The following ANKRD36 variants were observed in gnomAD, a reference collection of about 807,000 sequenced individuals.
ANKRD36 encodes ankyrin repeat domain-containing protein 36A.
ANKRD36 carries 179 observed loss-of-function variants against 278.1 expected under a neutral mutation model. The observed-to-expected ratio is 0.64, with a 90% CI of 0.57 to 0.73. ANKRD36 has a LOEUF of 0.73. Among genes scored for constraint, ANKRD36 ranks in the 30% least tolerant of loss-of-function variants. The pLI is 0.00. For synonymous variants in ANKRD36, 320 were observed against 641.1 expected (o/e 0.50, Z 7.57); for missense variants, 1,159 against 1,956.7 (o/e 0.59, Z 7.69).
rs186071463 is a variant in ANKRD36, at chr2:97,144,784, C to T, written c.1003+72C>T. The T allele has an allele frequency of 1.4e-4, 216 of 1,502,208 alleles. 1 individual carries two copies. The highest frequency in any genetic ancestry group is 8.9e-7 in the Non-Finnish European group (1 of 1,118,418). 93.1% of individuals were successfully genotyped at this position (1,502,208 alleles called of 1,614,324 possible). On this transcript the variant is annotated intron_variant, in intron 10 of 75. Coordinates refer to ENST00000420699, the MANE Select transcript of ANKRD36 (RefSeq NM_001354587.1). ...AACTTCCCTTCCCCAAATAAATCAGCAGGGGGCTCATTGAAGCTGCGCATT... is the reference window on the plus strand; with the variant it reads ...AACTTCCCTTCCCCAAATAAATCAGTAGGGGGCTCATTGAAGCTGCGCATT...
rs1310317248 is a variant in ANKRD36 at position 97,215,653 on chromosome 2, G to C, written c.3673+156G>C. On this transcript the variant is annotated intron_variant, in intron 62 of 75. Transcript: ENST00000420699. ...AATAAGTCCTCAGGTGACCCTGATG[G>C]TGCTGGTCCTTGACCATGATCTGAG... The C allele has an allele frequency of 2.6e-6, 4 of 1,540,818 alleles. No individual in the cohort carries two copies. In the South Asian group the frequency reaches 4.8e-5, roughly 19 times the overall value.
At chr2:97,118,040 T>G (rs766856644) in intron 1 of ANKRD36, 24 bp from the exon 2 acceptor site, 90 of 1,544,090 alleles carry the variant, frequency 5.8e-5, no homozygotes, top group Non-Finnish European at 7.4e-5. Context: ...TTACATGTTT[T>G]AAAAAGTCCT....
rs564270958 is a variant in ANKRD36 at position 97,157,130 on chromosome 2, C to CCT, written c.1261-958_1261-957dup. Among the ~76,000 whole-genome samples, 94 of 67,336 alleles carry CCT rather than the reference C, an allele frequency of 1.4e-3. No individual in the cohort carries two copies. In the South Asian group the frequency reaches 0.017, roughly 12 times the overall value. 44.2% of individuals were successfully genotyped at this position (67,336 alleles called of 152,430 possible). A position where few individuals can be genotyped will look rare whatever the true frequency, so the allele number is the denominator to read the frequency against. ...ATTTTATTGGTTTTTGTTTTTTTTT[C>CCT]CTCTCTCTCTCTCTCTCTCTGTTTG... On this transcript the variant is annotated intron_variant, in intron 15 of 75. Coordinates refer to ENST00000420699, the MANE Select transcript of ANKRD36 (RefSeq NM_001354587.1).
In ANKRD36 at chr2:97,211,686, A is replaced by G; in HGVS notation, c.3414A>G (p.Glu1138=). The G allele has an allele frequency of 6.3e-7, 1 of 1,595,142 alleles. No individual in the cohort carries two copies. The highest frequency in any genetic ancestry group is 8.5e-7 in the Non-Finnish European group (1 of 1,172,032). ...CTATTCAGGCTATCTGTGACAAGGA[A>G]GATTCTGTTCCGAATATGGCCACGG... ...QPALKAICDK[E]DSVPNMATEK... Residue 1138 remains glutamate, a synonymous_variant, in exon 58 of 76, where the codon GAA becomes GAG. Transcript: ENST00000420699.
intron 56 of ANKRD36, among the ~76,000 whole-genome samples, chr2:97,210,163 G>A (rs1411415047): frequency 6.6e-6 from 1 of 151,812 alleles, no homozygotes; most frequent in Non-Finnish European, 1.5e-5. Context: ...TAATTCTACA[G>A]CTTGTTTTCA....
intron 44 of ANKRD36, among the ~76,000 whole-genome samples, chr2:97,199,624 G>A (rs1200179872): frequency 6.6e-6 from 1 of 151,906 alleles, no homozygotes; most frequent in Admixed American, 6.6e-5. Flanking sequence ...GTATGTCAAA[G>A]TTGATAATTG....
At chr2:97,203,307 A>C (rs1242036080) in intron 48 of ANKRD36, among the ~76,000 whole-genome samples, 1 of 151,812 alleles carries the variant, frequency 6.6e-6, no homozygotes, top group Non-Finnish European at 1.5e-5. Context: ...TGAATGAAAA[A>C]CTGATCAATA....
intron 22 of ANKRD36, among the ~76,000 whole-genome samples, chr2:97,170,832 A>G (rs2052246621): frequency 6.6e-6 from 1 of 151,346 alleles, no homozygotes; most frequent in Non-Finnish European, 1.5e-5. Context: ...AGAATCTACA[A>G]TGAACTCAAA....
At chr2:97,151,083 C>G (rs377040718) in intron 12 of ANKRD36, among the ~76,000 whole-genome samples, 3,154 of 152,026 alleles carry the variant, frequency 0.021, 10 homozygotes, top group African/African-American at 0.065. Flanking sequence ...TTCTTTTAAG[C>G]GCATATTTGA....
At chr2:97,148,169 T>C (rs1245605496) in intron 11 of ANKRD36, among the ~76,000 whole-genome samples, 1 of 152,208 alleles carries the variant, frequency 6.6e-6, no homozygotes, top group African/African-American at 2.4e-5. Context: ...TCTGACTCTT[T>C]TCTCAATTCT....
At chr2:97,181,557 T>A in intron 24 of ANKRD36, 41 bp from the exon 25 acceptor site, 1 of 1,601,894 alleles carries the variant, frequency 6.2e-7, no homozygotes, top group Non-Finnish European at 8.5e-7. Context: ...AAATTTATCA[T>A]ATGTACATGT....
chr2:97,211,752 A>C lies in ANKRD36; in HGVS notation c.3469+11A>C. The C allele has an allele frequency of 6.4e-7, 1 of 1,568,244 alleles. No homozygotes were observed. Among genetic ancestry groups the C allele is most frequent in the Non-Finnish European group, 8.6e-7 (1 of 1,156,742 alleles). ...AAATATCTGGGACAGGTAATTTTGC[A>C]AACACATTTAATATGATGTTCGGTC... On this transcript the variant is annotated intron_variant, in intron 58 of 75. Coordinates refer to ENST00000420699, the MANE Select transcript of ANKRD36 (RefSeq NM_001354587.1).
chr2:97,170,797 C>G (rs373272575), intron 22 of ANKRD36, among the ~76,000 whole-genome samples: 4 of 151,742 alleles, frequency 2.6e-5, no homozygotes, highest in Admixed American at 1.3e-4. Context: ...TTGCAACCTA[C>G]TCATCTGACA....
In ANKRD36 at chr2:97,203,742, C is replaced by T. The variant is rs866445918; in HGVS notation, c.2960-326C>T. On this transcript the variant is annotated intron_variant, in intron 48 of 75. Transcript: ENST00000420699. ...GCACCTGCTTTGACATTGATTCTGA[C>T]GTGTATGAGTTGCTCCTCTGATTTT... is the stretch of plus-strand genomic sequence containing the variant. 2.1e-4 allele frequency among the ~76,000 whole-genome samples: 32 copies of T among 151,308 alleles called. 1 individual carries two copies. Among genetic ancestry groups the T allele is most frequent in the African/African-American group, 6.6e-4 (27 of 40,866 alleles).
chr2:97,206,444 TG>T (rs1012327464), intron 52 of ANKRD36, among the ~76,000 whole-genome samples: 1 of 151,236 alleles, frequency 6.6e-6, no homozygotes, highest in Non-Finnish European at 1.5e-5. Flanking sequence ...TCACTAAGGG[TG>T]GAAGGAGAAA....
chr2:97,226,056 T>A (rs1257243921), intron 67 of ANKRD36, among the ~76,000 whole-genome samples: 2 of 151,854 alleles, frequency 1.3e-5, no homozygotes, highest in Admixed American at 6.6e-5. Context: ...TCCAAGTCTT[T>A]GCTATTGTGA....
intron 67 of ANKRD36, among the ~76,000 whole-genome samples, chr2:97,228,104 G>T (rs1472222199): frequency 2.6e-5 from 4 of 152,100 alleles, no homozygotes; most frequent in South Asian, 4.2e-4. Flanking sequence ...TCTCTTTTTT[G>T]GTTGTGTCTC....
At chr2:97,176,453 C>T (rs2054280275) in intron 22 of ANKRD36, among the ~76,000 whole-genome samples, 9 of 131,972 alleles carry the variant, frequency 6.8e-5, no homozygotes, top group Admixed American at 2.3e-4. Context: ...CAACCCCTGC[C>T]TTTTTTTTGT....
Position 97,206,072 on chromosome 2 carries a change from G to A in ANKRD36, c.3100G>A (p.Asp1034Asn), listed in dbSNP as rs1351480006. The A allele has an allele frequency of 5.8e-6, 9 of 1,550,974 alleles. No homozygotes were observed. The highest frequency in any genetic ancestry group is 1.4e-5 in the African/African-American group (1 of 73,140). The change falls in exon 52 of 76, where the codon GAT becomes AAT. Residue 1034 changes from aspartate (D) to asparagine (N), a missense_variant. Transcript: ENST00000420699. ...TTCAAATTCCATTCAGGCTACAAGT[G>A]ATGAGGAAGATTCTGTTTTGAGTAT... is the stretch of plus-strand genomic sequence containing the variant. ...QKPPTLKATS[D>N]EEDSVLSIAR... is the part of the protein sequence containing the mutation.
Sources: gnomAD v4.1 joint callset for allele counts (sites outside exome capture counted in the v4.1 genomes callset) on GRCh38, gnomAD v4.1.1 for gene constraint, MANE v1.5 for transcripts, NCBI Gene and HGNC (gene_info 2026-07-23, HGNC 2026-07-21) for gene names.